The following SOX5 variants were observed in gnomAD, a reference collection of about 807,000 sequenced individuals.
SOX5 encodes SRY-box transcription factor 5.
In SOX5, 9 loss-of-function variants were observed where a neutral mutation model predicts 92.0. The observed-to-expected ratio is 0.10, with a 90% CI of 0.06 to 0.17. The LOEUF is 0.17. Among genes scored for constraint, SOX5 ranks in the 10% least tolerant of loss-of-function variants. SOX5 has a pLI of 1.00. For synonymous variants in SOX5, 344 were observed against 336.3 expected, an observed-to-expected ratio of 1.02 and a Z score of -0.25; for missense variants, 642 against 944.5, an observed-to-expected ratio of 0.68 and a Z score of 4.20.
In SOX5 at chr12:24,047,187, T is replaced by C. The variant is rs118133542; in HGVS notation, c.-1-151163A>G. Among the ~76,000 whole-genome samples, 676 of 152,272 alleles carry C rather than the reference T, an allele frequency of 4.4e-3. 3 individuals carry two copies. The highest frequency in any genetic ancestry group is 0.01 in the Middle Eastern group (3 of 294). On this transcript the variant is annotated intron_variant, in intron 4 of 4. Coordinates refer to the SOX5 transcript ENST00000446891. ...CATTTCAGTGTCACTGATCACACCATTTATGCTGGGCTGACCTTTTCTGGA... is the reference window on the plus strand; with the variant it reads ...CATTTCAGTGTCACTGATCACACCACTTATGCTGGGCTGACCTTTTCTGGA...
chr12:24,263,083 G>A (rs1021180111), intron 3 of SOX5, among the ~76,000 whole-genome samples: 22 of 152,026 alleles, frequency 1.4e-4, no homozygotes, highest in African/African-American at 4.1e-4. Flanking sequence ...AAAATTAGCC[G>A]GACATGATGG....
At chr12:24,246,417 A>G (rs761566491) in intron 3 of SOX5, among the ~76,000 whole-genome samples, 7 of 152,154 alleles carry the variant, frequency 4.6e-5, no homozygotes, top group African/African-American at 7.2e-5. Context: ...TTCAACACCA[A>G]TGATTATCAA....
At chr12:24,156,334 C>T (rs757861568) in intron 4 of SOX5, among the ~76,000 whole-genome samples, 2 of 152,124 alleles carry the variant, frequency 1.3e-5, no homozygotes, top group Non-Finnish European at 2.9e-5. Context: ...TGTCCTGCCG[C>T]CCCCACCCCT....
At chr12:23,603,475 G>C (rs1312668165) in intron 9 of SOX5, among the ~76,000 whole-genome samples, 1 of 91,944 alleles carries the variant, frequency 1.1e-5, no homozygotes, top group African/African-American at 2.8e-5. Flanking sequence ...TATTTTGCTG[G>C]TAAACTAACT....
At chr12:23,613,803 T>A (rs1471662989) in intron 8 of SOX5, among the ~76,000 whole-genome samples, 2 of 152,202 alleles carry the variant, frequency 1.3e-5, no homozygotes, top group Non-Finnish European at 2.9e-5. Flanking sequence ...TTATATGAAT[T>A]ACCTAGAGAA....
intron 2 of SOX5, among the ~76,000 whole-genome samples, chr12:24,306,353 G>A (rs755242723): frequency 1.6e-4 from 25 of 152,190 alleles, no homozygotes; most frequent in Non-Finnish European, 3.1e-4. Context: ...GACTCCAAAA[G>A]GACAAATGGG....
chr12:24,133,004 T>C (rs116745860), intron 4 of SOX5, among the ~76,000 whole-genome samples: 2,169 of 152,304 alleles, frequency 0.014, 33 homozygotes, highest in South Asian at 0.036. Flanking sequence ...CTAGCGCTGT[T>C]ATCCTTGGAG....
intron 3 of SOX5, among the ~76,000 whole-genome samples, chr12:23,845,119 G>A (rs1381017283): frequency 6.6e-6 from 1 of 152,164 alleles, no homozygotes; most frequent in Admixed American, 6.5e-5. Context: ...GACTAGAAAT[G>A]AGCCCAACTT....
At chr12:24,050,273 G>T (rs1038042933) in intron 4 of SOX5, among the ~76,000 whole-genome samples, 1 of 151,902 alleles carries the variant, frequency 6.6e-6, no homozygotes, top group Admixed American at 6.6e-5. Flanking sequence ...AAAAATGCTA[G>T]GTTTTTCATT....
intron 1 of SOX5, among the ~76,000 whole-genome samples, chr12:24,424,953 T>C (rs950573700): frequency 1.3e-5 from 2 of 152,012 alleles, no homozygotes; most frequent in African/African-American, 4.8e-5. Flanking sequence ...ACAGTTTCAA[T>C]TACAAGATAA....
intron 3 of SOX5, among the ~76,000 whole-genome samples, chr12:23,829,253 A>T: frequency 6.6e-6 from 1 of 152,180 alleles, no homozygotes; most frequent in East Asian, 1.9e-4. Context: ...TTTAATATGC[A>T]CGGTCCTGAC....
At chr12:24,521,860 A>C (rs1950291822) in intron 1 of SOX5, among the ~76,000 whole-genome samples, 1 of 152,148 alleles carries the variant, frequency 6.6e-6, no homozygotes, top group Non-Finnish European at 1.5e-5. Context: ...AAAAAAGAAG[A>C]AAGATCCCAA....
At chr12:24,258,571 A>G (rs1941607383) in intron 3 of SOX5, among the ~76,000 whole-genome samples, 1 of 152,198 alleles carries the variant, frequency 6.6e-6, no homozygotes, top group South Asian at 2.1e-4. Context: ...CCTGTAGAAA[A>G]GCTTCTTGAT....
intron 1 of SOX5, among the ~76,000 whole-genome samples, chr12:23,903,462 T>C (rs181520774): frequency 8.5e-5 from 13 of 152,292 alleles, no homozygotes; most frequent in African/African-American, 3.1e-4. Flanking sequence ...CCTCCGCCTG[T>C]AGTGCGAGCA....
intron 6 of SOX5, among the ~76,000 whole-genome samples, chr12:23,724,936 G>A (rs1402293084): frequency 6.6e-6 from 1 of 152,158 alleles, no homozygotes; most frequent in Non-Finnish European, 1.5e-5. Flanking sequence ...GACCAACATG[G>A]TTAGGAGCTT....
intron 1 of SOX5, among the ~76,000 whole-genome samples, chr12:24,398,145 C>T (rs1038363755): frequency 3.9e-5 from 6 of 152,100 alleles, no homozygotes; most frequent in East Asian, 1.9e-4. Context: ...CCACCACACC[C>T]GGCCAAATAT....
intron 1 of SOX5, among the ~76,000 whole-genome samples, chr12:24,450,400 A>T (rs1286747948): frequency 6.6e-6 from 1 of 152,178 alleles, no homozygotes; most frequent in East Asian, 1.9e-4. Flanking sequence ...AGATATTTTG[A>T]TACGGACATA....
At chr12:23,851,205 C>A (rs16926779) in intron 2 of SOX5, among the ~76,000 whole-genome samples, 6,341 of 152,004 alleles carry the variant, frequency 0.042, 602 homozygotes, top group East Asian at 0.39. Context: ...GAAAGAGATA[C>A]ATATTTTAGT....
At chr12:24,423,071 T>C (rs1010032859) in intron 1 of SOX5, among the ~76,000 whole-genome samples, 2 of 152,122 alleles carry the variant, frequency 1.3e-5, no homozygotes, top group Non-Finnish European at 1.5e-5. Flanking sequence ...TGTTTGAAAA[T>C]GTTATCTATA....
Sources: gnomAD v4.1 joint callset for allele counts (sites outside exome capture counted in the v4.1 genomes callset) on GRCh38, gnomAD v4.1.1 for gene constraint, MANE v1.5 for transcripts, NCBI Gene and HGNC (gene_info 2026-07-23, HGNC 2026-07-21) for gene names.